Variants in CFAP70 observed in about 807,000 individuals in gnomAD.
The protein encoded by CFAP70 is cilia- and flagella-associated protein 70.
A neutral mutation model predicts 137.6 loss-of-function variants in CFAP70; 81 were observed. That is an observed-to-expected ratio of 0.59 (90% CI 0.49 to 0.71). The LOEUF is 0.71. Ranked by LOEUF, CFAP70 falls within the 30% of genes least tolerant of loss-of-function variation. The pLI is 0.00. For synonymous variants in CFAP70, 382 were observed against 423.6 expected (o/e 0.90, Z 1.20); for missense variants, 976 against 1,226.7 (o/e 0.80, Z 3.05).
At chr10:73,304,060 T>A (rs1439627207) in intron 12 of CFAP70, among the ~76,000 whole-genome samples, 3 of 147,338 alleles carry the variant, frequency 2.0e-5, no homozygotes, top group African/African-American at 5.0e-5. Flanking sequence ...TTATGGTAAA[T>A]TTTTTTTTTT....
At chr10:73,257,357 A>G (rs897783898) in intron 25 of CFAP70, among the ~76,000 whole-genome samples, 3 of 152,228 alleles carry the variant, frequency 2.0e-5, no homozygotes, top group African/African-American at 7.2e-5. Context: ...AGATAAGAAC[A>G]TTAACTACTC....
chr10:73,336,057 C>G (rs2052624065), intron 6 of CFAP70, among the ~76,000 whole-genome samples: 1 of 151,334 alleles, frequency 6.6e-6, no homozygotes. Context: ...AGGAGGATTG[C>G]TTGAGCCTAG....
Position 73,291,232 on chromosome 10 carries a change from G to A in CFAP70, c.2233C>T (p.Pro745Ser), listed in dbSNP as rs533643216. ...CTCTATTCCCTGGCTCTACCTGCTGGGGCTTCCACCTTGATTGCTGTTGCA... is the reference window on the plus strand; with the variant it reads ...CTCTATTCCCTGGCTCTACCTGCTGAGGCTTCCACCTTGATTGCTGTTGCA... The change falls in exon 19 of 27, where the codon CCA (proline) becomes TCA (serine). Residue 745 changes from proline (P) to serine (S), a missense_variant. Pro to Ser is a moderately conservative substitution (Grantham distance 74, BLOSUM62 -1). Coordinates refer to ENST00000310715, the Ensembl canonical transcript of CFAP70. 2.5e-6 allele frequency: 4 copies of A among 1,613,936 alleles called. No individual in the cohort carries two copies. The East Asian group carries it at 6.7e-5, about 27-fold the overall frequency.
At chr10:73,345,019 A>G (rs371632447) in intron 5 of CFAP70, 46 bp downstream of exon 6, 4 of 1,546,534 alleles carry the variant, frequency 2.6e-6, no homozygotes, top group Non-Finnish European at 3.6e-6. Flanking sequence ...CCATATGAGT[A>G]CAGACATGTT....
exon 15 of CFAP70, chr10:73,297,147 A>C (rs1564802582): frequency 6.2e-7 from 1 of 1,613,454 alleles, no homozygotes; most frequent in Non-Finnish European, 8.5e-7. Context: ...TCAAGTATTT[A>C]TCTCTCACAA....
intron 25 of CFAP70, among the ~76,000 whole-genome samples, chr10:73,267,335 A>G (rs530729016): frequency 5.3e-5 from 8 of 152,340 alleles, no homozygotes; most frequent in Middle Eastern, 3.4e-3. Context: ...GTGGACTACT[A>G]TAGCCTTCTA....
intron 3 of CFAP70, 26 bp from the exon 4 acceptor site, chr10:73,348,547 G>T (rs1276366921): frequency 7.0e-7 from 1 of 1,436,062 alleles, no homozygotes; most frequent in Non-Finnish European, 9.4e-7. Flanking sequence ...CAAAGAAAAT[G>T]AGACATTTAA....
intron 26 of CFAP70, 105 bp from the exon 28 acceptor site, chr10:73,254,160 C>G (rs913378763): frequency 2.3e-6 from 2 of 862,402 alleles, no homozygotes; most frequent in East Asian, 5.5e-5. Context: ...GAACATAGTT[C>G]CCTGGGATGG....
chr10:73,342,727 T>C (rs12251310), intron 5 of CFAP70, among the ~76,000 whole-genome samples: 16,089 of 151,774 alleles, frequency 0.11, 1,233 homozygotes, highest in East Asian at 0.31. Context: ...TAAAGTAGAA[T>C]AGCAACAACA....
At chr10:73,289,405 C>T (rs945338702) in intron 19 of CFAP70, among the ~76,000 whole-genome samples, 9 of 151,998 alleles carry the variant, frequency 5.9e-5, no homozygotes, top group Non-Finnish European at 1.0e-4. Flanking sequence ...CCTGCCTCAG[C>T]CTCCTGAGTA....
At chr10:73,317,701 C>A (rs1446877818) in intron 9 of CFAP70, among the ~76,000 whole-genome samples, 1 of 152,060 alleles carries the variant, frequency 6.6e-6, no homozygotes, top group East Asian at 1.9e-4. Flanking sequence ...ACCAAGATTG[C>A]CATTTTGATG....
At chr10:73,277,154 T>C (rs1159179759) in intron 21 of CFAP70, 86 bp downstream of exon 22, 10 of 1,444,126 alleles carry the variant, frequency 6.9e-6, no homozygotes, top group Admixed American at 2.3e-5. Flanking sequence ...TTCACAAATA[T>C]GGAAGCTTGA....
intron 22 of CFAP70, chr10:73,274,928 AT>A (rs2046588412): frequency 4.7e-6 from 1 of 212,248 alleles, no homozygotes; most frequent in Non-Finnish European, 9.2e-6. Context: ...AATAAACACT[AT>A]CAGCTAAAGA....
chr10:73,348,347 C>T, intron 4 of CFAP70, 76 bp downstream of exon 4: 1 of 1,534,192 alleles, frequency 6.5e-7, no homozygotes, highest in Non-Finnish European at 9.0e-7. Flanking sequence ...TTCATTGAGG[C>T]TAATTTCTAT....
intron 15 of CFAP70, chr10:73,295,620 G>A (rs1224803300): frequency 6.6e-6 from 1 of 152,032 alleles, no homozygotes; most frequent in Non-Finnish European, 1.5e-5. Flanking sequence ...TGTTTTTCTT[G>A]AATTCCTAGG....
chr10:73,337,376 C>T (rs2052772189), intron 6 of CFAP70, among the ~76,000 whole-genome samples: 1 of 151,954 alleles, frequency 6.6e-6, no homozygotes, highest in South Asian at 2.1e-4. Flanking sequence ...CTCAGCTATT[C>T]AGGTGGCTGA....
intron 9 of CFAP70, among the ~76,000 whole-genome samples, chr10:73,318,567 T>G (rs2050588023): frequency 6.6e-6 from 1 of 152,186 alleles, no homozygotes; most frequent in Non-Finnish European, 1.5e-5. Context: ...TTCATCTCAT[T>G]TAATAGGTAA....
chr10:73,344,293 C>T (rs1564877475), intron 5 of CFAP70, among the ~76,000 whole-genome samples: 1 of 152,132 alleles, frequency 6.6e-6, no homozygotes, highest in Non-Finnish European at 1.5e-5. Context: ...AAGAAAAATA[C>T]TAAGCCCTCC....
chr10:73,310,160 T>C (rs898800606), exon 12 of CFAP70: 9 of 1,606,534 alleles, frequency 5.6e-6, no homozygotes, highest in Non-Finnish European at 7.6e-6. Flanking sequence ...CTACAAACCT[T>C]CTGGCTAGCT....
Sources: gnomAD v4.1 joint callset for allele counts (sites outside exome capture counted in the v4.1 genomes callset) on GRCh38, gnomAD v4.1.1 for gene constraint, MANE v1.5 for transcripts, NCBI Gene and HGNC (gene_info 2026-07-23, HGNC 2026-07-21) for gene names.